Variants in NUP210L observed in about 807,000 individuals in gnomAD.
The protein encoded by NUP210L is nuclear pore membrane glycoprotein 210-like.
NUP210L carries 74 observed loss-of-function variants against 208.5 expected under a neutral mutation model. The ratio of observed to expected loss-of-function variants is 0.35; its 90% CI spans 0.29 to 0.43. NUP210L has a LOEUF of 0.43. Among genes scored for constraint, NUP210L ranks in the 20% least tolerant of loss-of-function variants. The probability of loss-of-function intolerance (pLI) is 1.00; values close to 1 mark genes in which losing one functional copy is unlikely to be tolerated. For missense variants in NUP210L, 1,843 were observed against 2,289.4 expected (o/e 0.81, Z 3.98); for synonymous variants, 780 against 816.9 (o/e 0.95, Z 0.77).
At chr1:153,994,131 T>C (rs931714157) in intron 38 of NUP210L, among the ~76,000 whole-genome samples, 10 of 152,058 alleles carry the variant, frequency 6.6e-5, no homozygotes, top group Admixed American at 4.6e-4. Flanking sequence ...CCTCCCACTT[T>C]GGCCTCCCAA....
At chr1:154,083,865 G>C (rs1655487064) in intron 16 of NUP210L, among the ~76,000 whole-genome samples, 1 of 151,818 alleles carries the variant, frequency 6.6e-6, no homozygotes, top group South Asian at 2.1e-4. Context: ...AGGATGAAAG[G>C]GTGGGGGATG....
chr1:154,068,156 A>G (rs2148008792), intron 17 of NUP210L, among the ~76,000 whole-genome samples: 1 of 152,306 alleles, frequency 6.6e-6, no homozygotes, highest in Admixed American at 6.5e-5. Flanking sequence ...AGAAAGCTGG[A>G]GGCATCACAC....
intron 10 of NUP210L, among the ~76,000 whole-genome samples, chr1:154,125,640 A>G (rs1276326329): frequency 1.2e-3 from 1 of 832 alleles, no homozygotes; most frequent in South Asian, 0.038. Flanking sequence ...GAAGGAAGGA[A>G]GGAAGGAAGG....
intron 17 of NUP210L, 70 bp downstream of exon 17, chr1:154,070,203 A>G (rs1354669904): frequency 1.5e-6 from 2 of 1,311,472 alleles, no homozygotes; most frequent in South Asian, 1.5e-5. Context: ...AGCAAAAAAC[A>G]AAACAAAACA....
At chr1:153,998,497 TG>T (rs1650025333) in intron 37 of NUP210L, among the ~76,000 whole-genome samples, 1 of 144,312 alleles carries the variant, frequency 6.9e-6, no homozygotes, top group Non-Finnish European at 1.5e-5. Context: ...GAGGTTGCAG[TG>T]AGCTGAGATG....
chr1:154,025,860 C>A, intron 29 of NUP210L, 144 bp from the exon 30 acceptor site: 1 of 617,184 alleles, frequency 1.6e-6, no homozygotes, highest in Non-Finnish European at 2.8e-6. Context: ...ATTTGTTCCT[C>A]AGGTAAAAGT....
intron 35 of NUP210L, among the ~76,000 whole-genome samples, chr1:154,002,871 C>G (rs1372900698): frequency 6.6e-6 from 1 of 152,032 alleles, no homozygotes; most frequent in Non-Finnish European, 1.5e-5. Flanking sequence ...TGCTGGTGAA[C>G]TCAGGAAAGG....
At chr1:154,006,731 G>T (rs1165841527) in intron 35 of NUP210L, among the ~76,000 whole-genome samples, 1 of 149,530 alleles carries the variant, frequency 6.7e-6, no homozygotes, top group South Asian at 2.1e-4. Context: ...CTGACCTCGG[G>T]TGATCTGCCT....
chr1:154,019,475 G>C (rs988690590), intron 32 of NUP210L, among the ~76,000 whole-genome samples: 1 of 152,136 alleles, frequency 6.6e-6, no homozygotes, highest in African/African-American at 2.4e-5. Context: ...TAAGTCTAAA[G>C]ATGGCCGAGG....
intron 12 of NUP210L, among the ~76,000 whole-genome samples, chr1:154,114,003 C>T (rs961856476): frequency 1.2e-4 from 18 of 151,590 alleles, no homozygotes; most frequent in Non-Finnish European, 2.5e-4. Context: ...ATTAGCTGGG[C>T]GTGGTAGTGG....
At chr1:154,016,763 G>C (rs2147918791) in intron 33 of NUP210L, among the ~76,000 whole-genome samples, 1 of 152,144 alleles carries the variant, frequency 6.6e-6, no homozygotes, top group Non-Finnish European at 1.5e-5. Flanking sequence ...GGGCAACATG[G>C]TGAAATGCCA....
At position 154,017,840 on chromosome 1, in the gene NUP210L, T is replaced by C. The variant is rs926696488; in HGVS notation, c.4653+1093A>G. Among the ~76,000 whole-genome samples, 4 of 152,140 alleles carry C rather than the reference T, an allele frequency of 2.6e-5. No individual in the cohort carries two copies. In the South Asian group the frequency reaches 8.3e-4, roughly 32 times the overall value. ...CTGGTTGTTTCTTATAAGTCTTTCT[T>C]ATTGGTTCTTCTCTCAGAGCTCCCT... is the stretch of plus-strand genomic sequence containing the variant. On this transcript the variant is annotated intron_variant, in intron 33 of 39. Coordinates refer to ENST00000368559, the Ensembl canonical transcript of NUP210L.
chr1:154,146,533 G>C (rs1393850775), intron 2 of NUP210L, among the ~76,000 whole-genome samples: 1 of 151,860 alleles, frequency 6.6e-6, no homozygotes, highest in African/African-American at 2.4e-5. Context: ...GTGGGAGGCT[G>C]AGGTGGAAGA....
chr1:154,101,403 G>A (rs902982424), intron 13 of NUP210L, among the ~76,000 whole-genome samples: 6 of 152,066 alleles, frequency 3.9e-5, no homozygotes, highest in East Asian at 1.9e-4. Context: ...CTTGAACCCC[G>A]GAGGCGGAGG....
intron 16 of NUP210L, among the ~76,000 whole-genome samples, chr1:154,077,713 G>A (rs144286788): frequency 7.9e-5 from 12 of 152,098 alleles, no homozygotes; most frequent in African/African-American, 1.9e-4. Context: ...GGCCGGGTGC[G>A]GTGGTCCACG....
intron 13 of NUP210L, among the ~76,000 whole-genome samples, chr1:154,101,251 G>A (rs1656458432): frequency 6.6e-6 from 1 of 151,346 alleles, no homozygotes; most frequent in African/African-American, 2.4e-5. Context: ...GGCTAAAGCA[G>A]GTGGATCACC....
exon 30 of NUP210L, chr1:154,025,629 T>C: frequency 6.2e-7 from 1 of 1,614,006 alleles, no homozygotes; most frequent in South Asian, 1.1e-5. Context: ...TGGAACCAGC[T>C]TTCAGGAGCC....
Position 154,125,684 on chromosome 1 carries a change from AG to A in NUP210L, c.1326+638del, listed in dbSNP as rs1557994829. Among the ~76,000 whole-genome samples the A allele has an allele frequency of 5.0e-3, 35 of 6,948 alleles. 3 individuals are homozygous for A. Among genetic ancestry groups the A allele is most frequent in the African/African-American group, 0.01 (34 of 3,318 alleles). 4.6% of individuals were successfully genotyped at this position (6,948 alleles called of 152,430 possible). A position where few individuals can be genotyped will look rare whatever the true frequency, so the allele number is the denominator to read the frequency against. On this transcript the variant is annotated intron_variant, in intron 10 of 39. Coordinates refer to ENST00000368559, the Ensembl canonical transcript of NUP210L. ...AAGGAAGGAAGGAAGGAAGGAAGGA[AG>A]GAAGGAAGGAAGGAAGGAAGGAAGG...
chr1:154,018,083 T>C (rs1651361709), intron 33 of NUP210L, among the ~76,000 whole-genome samples: 1 of 151,990 alleles, frequency 6.6e-6, no homozygotes, highest in Non-Finnish European at 1.5e-5. Context: ...GAGATTCTCG[T>C]GCTTCAGCCT....
Sources: gnomAD v4.1 joint callset for allele counts (sites outside exome capture counted in the v4.1 genomes callset) on GRCh38, gnomAD v4.1.1 for gene constraint, MANE v1.5 for transcripts, NCBI Gene and HGNC (gene_info 2026-07-23, HGNC 2026-07-21) for gene names.